The following SMOC1 variants were observed in gnomAD, a reference collection of about 807,000 sequenced individuals.
The protein encoded by SMOC1 is SPARC-related modular calcium-binding protein 1.
Under a neutral mutation model 56.3 loss-of-function variants are expected in SMOC1, and 22 were observed. The observed-to-expected ratio is 0.39, with a 90% confidence interval of 0.28 to 0.56. The LOEUF (loss-of-function observed/expected upper bound fraction) is 0.56. Ranked by LOEUF, SMOC1 falls within the 20% of genes least tolerant of loss-of-function variation. The pLI is 0.61. For missense variants in SMOC1, 509 were observed against 565.4 expected, an observed-to-expected ratio of 0.90 and a Z score of 1.01; for synonymous variants, 193 against 215.0, an observed-to-expected ratio of 0.90 and a Z score of 0.89.
intron 7 of SMOC1, among the ~76,000 whole-genome samples, chr14:70,006,099 T>C (rs574077457): frequency 1.6e-4 from 24 of 152,132 alleles, no homozygotes; most frequent in Non-Finnish European, 3.4e-4. Flanking sequence ...TAAGACCCAT[T>C]TGGGATTTAG....
At chr14:69,958,132 A>G (rs1232074735) in intron 3 of SMOC1, among the ~76,000 whole-genome samples, 3 of 152,230 alleles carry the variant, frequency 2.0e-5, no homozygotes, top group Non-Finnish European at 4.4e-5. Context: ...ATGGTGGCAC[A>G]AGCCTGTAGT....
At chr14:69,982,300 T>A (rs1884208665) in intron 5 of SMOC1, among the ~76,000 whole-genome samples, 1 of 152,242 alleles carries the variant, frequency 6.6e-6, no homozygotes. Context: ...CCAACCCAGC[T>A]TTAATTTTCA....
At chr14:69,881,463 G>A (rs1421973316) in intron 1 of SMOC1, among the ~76,000 whole-genome samples, 1 of 152,146 alleles carries the variant, frequency 6.6e-6, no homozygotes, top group Non-Finnish European at 1.5e-5. Flanking sequence ...ATCAGAGGAA[G>A]CAACCTTTAG....
chr14:69,971,775 G>A (rs147477130), intron 3 of SMOC1, among the ~76,000 whole-genome samples: 5 of 152,170 alleles, frequency 3.3e-5, no homozygotes, highest in African/African-American at 7.2e-5. Context: ...TGCAAGAAAC[G>A]TTTCTCTCCT....
At chr14:70,008,905 C>T (rs1446992002) in intron 7 of SMOC1, among the ~76,000 whole-genome samples, 1 of 152,190 alleles carries the variant, frequency 6.6e-6, no homozygotes, top group African/African-American at 2.4e-5. Context: ...GTTGCCATGG[C>T]ACCTTCCCAG....
At chr14:69,898,249 G>A (rs1884147993) in intron 1 of SMOC1, among the ~76,000 whole-genome samples, 1 of 151,946 alleles carries the variant, frequency 6.6e-6, no homozygotes, top group Non-Finnish European at 1.5e-5. Context: ...AATATGATAT[G>A]ACTAGGGTTT....
At chr14:69,935,746 C>T (rs1885279137) in intron 1 of SMOC1, among the ~76,000 whole-genome samples, 1 of 152,144 alleles carries the variant, frequency 6.6e-6, no homozygotes, top group South Asian at 2.1e-4. Context: ...CTCCGCAGCT[C>T]AAGGGTACTA....
intron 1 of SMOC1, among the ~76,000 whole-genome samples, chr14:69,914,725 A>G (rs1263985038): frequency 2.0e-5 from 3 of 152,164 alleles, no homozygotes; most frequent in Non-Finnish European, 4.4e-5. Context: ...TATTAATGAG[A>G]CCTTTCTGAC....
rs559852778 is a variant in SMOC1, at chr14:69,937,773, C to CATGTG, written c.100-14365_100-14364insATGTG. On this transcript the variant is annotated intron_variant, in intron 1 of 11. Transcript: ENST00000361956. ...GTTTGAGGGTATGCACACATGCATG[C>CATGTG]TCACATGTGTGCATGTATGTGCTTT... Among the ~76,000 whole-genome samples, 340 of 152,288 alleles carry CATGTG rather than the reference C, an allele frequency of 2.2e-3. 2 individuals carry two copies. The highest frequency in any genetic ancestry group is 3.8e-3 in the Non-Finnish European group (260 of 68,034).
chr14:69,939,628 C>A (rs1471353845), intron 1 of SMOC1, among the ~76,000 whole-genome samples: 3 of 152,178 alleles, frequency 2.0e-5, no homozygotes. Context: ...TAAAGGGACC[C>A]AGTCTCCCCT....
chr14:69,897,489 C>G (rs1884129952), intron 1 of SMOC1, among the ~76,000 whole-genome samples: 1 of 151,876 alleles, frequency 6.6e-6, no homozygotes, highest in Non-Finnish European at 1.5e-5. Context: ...CTCTTCAACT[C>G]ATTTTTCTGC....
chr14:69,949,242 C>T (rs370240245), intron 1 of SMOC1, among the ~76,000 whole-genome samples: 6 of 152,150 alleles, frequency 3.9e-5, no homozygotes, highest in African/African-American at 1.2e-4. Flanking sequence ...GCTGTAAGCA[C>T]AGGGGCATGA....
intron 1 of SMOC1, among the ~76,000 whole-genome samples, chr14:69,893,178 T>TA (rs1164952659): frequency 6.6e-6 from 1 of 152,220 alleles, no homozygotes; most frequent in African/African-American, 2.4e-5. Context: ...GATATATATA[T>TA]TTTTAAGTAT....
chr14:69,908,456 C>T (rs1884469173), intron 1 of SMOC1, among the ~76,000 whole-genome samples: 1 of 152,076 alleles, frequency 6.6e-6, no homozygotes, highest in Admixed American at 6.5e-5. Context: ...ATGTTTCACA[C>T]CCTTGGATGA....
At chr14:69,937,589 T>C (rs1885327094) in intron 1 of SMOC1, among the ~76,000 whole-genome samples, 1 of 152,198 alleles carries the variant, frequency 6.6e-6, no homozygotes, top group Admixed American at 6.5e-5. Context: ...GACGTGAGCC[T>C]GGGGCCTGGG....
intron 3 of SMOC1, among the ~76,000 whole-genome samples, chr14:69,954,586 G>A (rs970940423): frequency 2.6e-5 from 4 of 152,218 alleles, no homozygotes; most frequent in African/African-American, 9.6e-5. Flanking sequence ...AGGCAGCCTG[G>A]GCGGTGGGCA....
intron 10 of SMOC1, among the ~76,000 whole-genome samples, chr14:70,014,869 A>G (rs1026746355): frequency 3.3e-5 from 5 of 152,280 alleles, no homozygotes; most frequent in Non-Finnish European, 5.9e-5. Context: ...CCTTGGAAGG[A>G]CCCCAGCATA....
chr14:69,925,431 G>A (rs963898493), intron 1 of SMOC1, among the ~76,000 whole-genome samples: 4 of 152,014 alleles, frequency 2.6e-5, no homozygotes, highest in Non-Finnish European at 5.9e-5. Flanking sequence ...TCAAGTGTGT[G>A]CTCAAATGTC....
intron 7 of SMOC1, 98 bp from the exon 8 acceptor site, chr14:70,010,656 G>C (rs1885301185): frequency 7.7e-7 from 1 of 1,306,760 alleles, no homozygotes; most frequent in African/African-American, 1.4e-5. Context: ...CTGGGTCCAG[G>C]CCTGGTCCTT....
Sources: allele counts gnomAD v4.1 joint callset (sites outside exome capture counted in the v4.1 genomes callset), GRCh38; gene constraint gnomAD v4.1.1; transcripts MANE v1.5; gene names NCBI Gene and HGNC (gene_info 2026-07-23, HGNC 2026-07-21).